Variants in XKR3 observed in about 807,000 individuals in gnomAD.
XKR3 encodes XK related 3.
XKR3 carries 27 observed loss-of-function variants against 40.3 expected under a neutral mutation model. The observed-to-expected ratio is 0.67, with a 90% confidence interval of 0.49 to 0.92. The LOEUF (loss-of-function observed/expected upper bound fraction) is 0.92. Among genes scored for constraint, XKR3 ranks in the 40% least tolerant of loss-of-function variants. The pLI is 0.00. For synonymous variants in XKR3, 193 were observed against 195.4 expected, an observed-to-expected ratio of 0.99 and a Z score of 0.10; for missense variants, 472 against 537.6, an observed-to-expected ratio of 0.88 and a Z score of 1.21.
chr22:16,823,551 C>G (rs1170977062), intron 1 of XKR3, among the ~76,000 whole-genome samples: 1 of 152,174 alleles, frequency 6.6e-6, no homozygotes, highest in Non-Finnish European at 1.5e-5. Context: ...AACTTAAACA[C>G]CTTACTTTTG....
chr22:16,822,373 A>G (rs186616039), intron 1 of XKR3, among the ~76,000 whole-genome samples: 10 of 129,156 alleles, frequency 7.7e-5, no homozygotes, highest in African/African-American at 2.6e-4. Flanking sequence ...AACAAAGGCC[A>G]TAATAGGAAA....
chr22:16,803,077 C>CATATAT (rs56137788), intron 2 of XKR3, among the ~76,000 whole-genome samples: 2 of 149,724 alleles, frequency 1.3e-5, no homozygotes, highest in East Asian at 3.9e-4. Context: ...CCTCAATTGA[C>CATATAT]ATATATATAT....
Position 16,820,621 on chromosome 22 carries a change from C to T in XKR3, c.-11+4670G>A, listed in dbSNP as rs574282131. On this transcript the variant is annotated intron_variant, in intron 1 of 3. Transcript: ENST00000684488. Reference sequence around the variant, plus strand: ...CATGAAGGCCTGACACTTCCTAGTACGCCATCTTGTTGACATACATAGTCT... The same window carrying T: ...CATGAAGGCCTGACACTTCCTAGTATGCCATCTTGTTGACATACATAGTCT... 1.3e-4 allele frequency among the ~76,000 whole-genome samples: 15 copies of T among 119,272 alleles called. No homozygotes were observed. The South Asian group carries it at 2.1e-3, about 17-fold the overall frequency. The allele number at this position is 119,272 out of a possible 152,430, so 78.2% of individuals were successfully genotyped here. A position where few individuals can be genotyped will look rare whatever the true frequency, so the allele number is the denominator to read the frequency against.
chr22:16,795,876 A>T (rs2060138300), intron 3 of XKR3, among the ~76,000 whole-genome samples: 1 of 152,154 alleles, frequency 6.6e-6, no homozygotes, highest in African/African-American at 2.4e-5. Flanking sequence ...CTGAGGCATG[A>T]GAATTGCTTG....
intron 3 of XKR3, among the ~76,000 whole-genome samples, chr22:16,788,489 TAA>T (rs1244059630): frequency 2.0e-5 from 3 of 151,876 alleles, no homozygotes; most frequent in Non-Finnish European, 2.9e-5. Context: ...AAATCAGCAA[TAA>T]AAAGTTACCC....
chr22:16,810,573 A>G (rs548575132), intron 1 of XKR3, among the ~76,000 whole-genome samples: 1 of 152,316 alleles, frequency 6.6e-6, no homozygotes, highest in South Asian at 2.1e-4. Context: ...TGTGAGTTAT[A>G]TCTCAGATAC....
At chr22:16,804,972 T>C (rs762680449) in intron 2 of XKR3, among the ~76,000 whole-genome samples, 2 of 152,188 alleles carry the variant, frequency 1.3e-5, no homozygotes, top group Non-Finnish European at 1.5e-5. Context: ...TTACAGAGTT[T>C]AACTCTTTTC....
intron 3 of XKR3, among the ~76,000 whole-genome samples, chr22:16,788,441 AT>A (rs1487871860): frequency 6.6e-6 from 1 of 152,174 alleles, no homozygotes; most frequent in Admixed American, 6.5e-5. Flanking sequence ...AGGAGATGTC[AT>A]AACTGACACC....
At chr22:16,824,485 A>C (rs1015310244) in intron 1 of XKR3, among the ~76,000 whole-genome samples, 1 of 152,096 alleles carries the variant, frequency 6.6e-6, no homozygotes, top group Non-Finnish European at 1.5e-5. Context: ...GGGAAAAAGA[A>C]GGAATGGAGG....
intron 1 of XKR3, among the ~76,000 whole-genome samples, chr22:16,812,200 A>C (rs544688466): frequency 6.6e-6 from 1 of 152,116 alleles, no homozygotes. Context: ...TTTAGCTCTC[A>C]CTGTTTTCCA....
chr22:16,801,649 T>C (rs76276024), intron 2 of XKR3, among the ~76,000 whole-genome samples: 2,269 of 148,820 alleles, frequency 0.015, 57 homozygotes, highest in African/African-American at 0.054. Context: ...TAAAGAGTTA[T>C]AATTAAAGCA....
At chr22:16,795,554 A>C (rs1471741622) in intron 3 of XKR3, among the ~76,000 whole-genome samples, 1 of 152,216 alleles carries the variant, frequency 6.6e-6, no homozygotes, top group Non-Finnish European at 1.5e-5. Context: ...AAAGCTAGAG[A>C]AGTTAATGAA....
rs150400922 is a variant in XKR3, at chr22:16,807,959, A to G, written c.115T>C (p.Phe39Leu). The change falls in exon 2 of 4, where the codon TTC becomes CTC. Residue 39 changes from phenylalanine (F) to leucine (L), a missense_variant. Phe to Leu is a conservative substitution (Grantham distance 22). Transcript: ENST00000684488. ...LHLSFPFSIIFSTVLYCGEVA... is the reference protein window; with the variant it reads ...LHLSFPFSIILSTVLYCGEVA... The stretch of plus-strand genomic sequence containing the variant: ...TCACCACAGTAGAGAACAGTTGAGA[A>G]GATAATGCTAAAAGGAAAGCTTAGA... 7.1e-4 allele frequency: 1,139 copies of G among 1,614,062 alleles called. 6 individuals carry two copies. The African/African-American group carries it at 0.014, about 19-fold the overall frequency.
chr22:16,810,546 G>A (rs9618887), intron 1 of XKR3, among the ~76,000 whole-genome samples: 10 of 151,960 alleles, frequency 6.6e-5, no homozygotes, highest in Admixed American at 1.3e-4. Flanking sequence ...TACCTTCCTC[G>A]ATTACCTCTT....
intron 1 of XKR3, among the ~76,000 whole-genome samples, chr22:16,815,069 T>C (rs2060227589): frequency 6.6e-6 from 1 of 152,068 alleles, no homozygotes; most frequent in Non-Finnish European, 1.5e-5. Flanking sequence ...GTTTTTGCAT[T>C]AAGTTTCATG....
chr22:16,785,589 G>T (rs1361265754), intron 3 of XKR3, among the ~76,000 whole-genome samples: 1 of 152,036 alleles, frequency 6.6e-6, no homozygotes, highest in Non-Finnish European at 1.5e-5. Context: ...CTTCAGCTGG[G>T]CATAGTGGCT....
At chr22:16,791,545 T>TA (rs59823117) in intron 3 of XKR3, among the ~76,000 whole-genome samples, 6,563 of 141,562 alleles carry the variant, frequency 0.046, 325 homozygotes, top group African/African-American at 0.13. Context: ...CTTACCAAAA[T>TA]AAAAAAAAAA....
chr22:16,811,245 C>G (rs2060211361), intron 1 of XKR3, among the ~76,000 whole-genome samples: 1 of 151,798 alleles, frequency 6.6e-6, no homozygotes, highest in South Asian at 2.1e-4. Flanking sequence ...GCCTCAGCCT[C>G]TCAGTAGCTG....
intron 1 of XKR3, among the ~76,000 whole-genome samples, chr22:16,820,527 T>A (rs2060251052): frequency 6.6e-6 from 1 of 152,170 alleles, no homozygotes. Flanking sequence ...GCTTCTCAAC[T>A]GGTCTCTGGA....
Sources: gnomAD v4.1 joint callset for allele counts (sites outside exome capture counted in the v4.1 genomes callset) on GRCh38, gnomAD v4.1.1 for gene constraint, MANE v1.5 for transcripts, NCBI Gene and HGNC (gene_info 2026-07-23, HGNC 2026-07-21) for gene names.